Variants in ETV1 observed in about 807,000 individuals in gnomAD.
The protein encoded by ETV1 is ETS variant transcription factor 1, also known as ETS translocation variant 1.
Under a neutral mutation model 62.3 loss-of-function variants are expected in ETV1, and 27 were observed. The ratio of observed to expected loss-of-function variants is 0.43; its 90% CI spans 0.32 to 0.60. The LOEUF (loss-of-function observed/expected upper bound fraction) is 0.60. Ranked by LOEUF, ETV1 falls within the 20% of genes least tolerant of loss-of-function variation. The probability of loss-of-function intolerance (pLI) is 0.06; values close to 1 mark genes in which losing one functional copy is unlikely to be tolerated. For missense variants in ETV1, 605 were observed against 605.8 expected, an observed-to-expected ratio of 1.00 and a Z score of 0.01; for synonymous variants, 222 against 199.6, an observed-to-expected ratio of 1.11 and a Z score of -0.94.
intron 9 of ETV1, among the ~76,000 whole-genome samples, chr7:13,919,650 A>C (rs1157031050): frequency 6.6e-6 from 1 of 151,754 alleles, no homozygotes; most frequent in Non-Finnish European, 1.5e-5. Flanking sequence ...ATTCCTTGAA[A>C]ATTTTTTCAA....
intron 13 of ETV1, among the ~76,000 whole-genome samples, chr7:13,898,459 G>A (rs1326622048): frequency 2.0e-5 from 3 of 152,006 alleles, no homozygotes; most frequent in Non-Finnish European, 4.4e-5. Context: ...TTAACATATT[G>A]GTATATATTG....
At chr7:13,989,528 C>A in intron 1 of ETV1, 35 bp downstream of exon 1, 1 of 399,190 alleles carries the variant, frequency 2.5e-6, no homozygotes. Context: ...ATGCAATTAT[C>A]TGGAGAGACA....
chr7:13,979,051 A>C lies in ETV1; in HGVS notation c.182-1571T>G, dbSNP rs530758781. ...TTGCAAGGAGAATTTTTTTCTCTTC[A>C]TATTGCTCCAATATCTGATACTGTG... is the stretch of plus-strand genomic sequence containing the variant. On this transcript the variant is annotated intron_variant, in intron 5 of 13. Coordinates refer to ENST00000430479, the MANE Select transcript of ETV1 (RefSeq NM_004956.5). 9.2e-5 allele frequency among the ~76,000 whole-genome samples: 14 copies of C among 152,186 alleles called. No individual in the cohort carries two copies. In the East Asian group the frequency reaches 2.5e-3, roughly 27 times the overall value.
At chr7:13,915,051 T>C (rs1316535838) in intron 9 of ETV1, among the ~76,000 whole-genome samples, 2 of 152,238 alleles carry the variant, frequency 1.3e-5, no homozygotes, top group Non-Finnish European at 2.9e-5. Flanking sequence ...AACGACTGTA[T>C]AACTTAATTA....
intron 5 of ETV1, among the ~76,000 whole-genome samples, chr7:13,979,438 C>T (rs1781768194): frequency 6.6e-6 from 1 of 151,746 alleles, no homozygotes; most frequent in Non-Finnish European, 1.5e-5. Flanking sequence ...GCTATTAACA[C>T]AACATATTTT....
At chr7:13,989,182 T>G in intron 2 of ETV1, 43 bp from the exon 3 acceptor site, 1 of 717,844 alleles carries the variant, frequency 1.4e-6, no homozygotes, top group Non-Finnish European at 2.3e-6. Flanking sequence ...AAAAAAATCA[T>G]GAATGAAGCT....
At chr7:13,917,334 T>C (rs940926427) in intron 9 of ETV1, among the ~76,000 whole-genome samples, 2 of 128,814 alleles carry the variant, frequency 1.6e-5, no homozygotes, top group African/African-American at 5.6e-5. Flanking sequence ...TTATTTATTT[T>C]GAGACGGAGT....
chr7:13,929,049 G>A (rs2128446621), intron 9 of ETV1, among the ~76,000 whole-genome samples: 1 of 152,262 alleles, frequency 6.6e-6, no homozygotes, highest in African/African-American at 2.4e-5. Context: ...TAATTTATAT[G>A]ATTTCCACAT....
intron 6 of ETV1, among the ~76,000 whole-genome samples, chr7:13,942,401 G>C (rs189925025): frequency 1.8e-4 from 27 of 152,004 alleles, no homozygotes; most frequent in Non-Finnish European, 1.8e-4. Context: ...TCCAAGTTTT[G>C]TTTTGTTTTT....
intron 12 of ETV1, among the ~76,000 whole-genome samples, chr7:13,902,865 T>C (rs1449500347): frequency 6.6e-6 from 1 of 152,206 alleles, no homozygotes; most frequent in East Asian, 1.9e-4. Context: ...TCATGCCAGT[T>C]CATTCTCAGC....
chr7:13,961,351 G>T (rs1055459914), intron 6 of ETV1, among the ~76,000 whole-genome samples: 4 of 152,060 alleles, frequency 2.6e-5, no homozygotes, highest in Admixed American at 1.3e-4. Flanking sequence ...TTTTAAATGG[G>T]CTTCAAGAGG....
In ETV1 at chr7:13,931,551, G is replaced by C; in HGVS notation, c.753C>G (p.Pro251=). The change falls in exon 9 of 14, where the codon CCC becomes CCG. Residue 251 remains proline, a synonymous_variant. Transcript: ENST00000430479. Reference sequence around the variant, plus strand: ...GTTCCTGTTTAATCATCAGAGGAGGGGGAAAGCTTTGGCTGGCCGCACTGC... The same window carrying C: ...GTTCCTGTTTAATCATCAGAGGAGGCGGAAAGCTTTGGCTGGCCGCACTGC... ...MVGSAASQSF[P]PPLMIKQEPR... is the part of the protein sequence containing the mutation. 6.2e-7 allele frequency: 1 copy of C among 1,614,058 alleles called. No individual in the cohort carries two copies. The highest frequency in any genetic ancestry group is 8.5e-7 in the Non-Finnish European group (1 of 1,179,902).
chr7:13,948,677 T>C (rs180671827), intron 6 of ETV1, among the ~76,000 whole-genome samples: 1 of 152,268 alleles, frequency 6.6e-6, no homozygotes, highest in East Asian at 1.9e-4. Context: ...ACAGAAACCA[T>C]ATGGCCCACA....
chr7:13,900,002 AC>A, intron 13 of ETV1, among the ~76,000 whole-genome samples: 1 of 152,152 alleles, frequency 6.6e-6, no homozygotes, highest in Non-Finnish European at 1.5e-5. Flanking sequence ...GGTGGTGCGC[AC>A]CTGTAGTCCC....
chr7:13,944,345 G>T (rs1370956261), intron 6 of ETV1, among the ~76,000 whole-genome samples: 1 of 152,162 alleles, frequency 6.6e-6, no homozygotes, highest in Non-Finnish European at 1.5e-5. Context: ...TTTGGTAAAA[G>T]CTCACTTCCT....
chr7:13,953,111 C>T (rs12155208), intron 6 of ETV1, among the ~76,000 whole-genome samples: 4,953 of 152,214 alleles, frequency 0.033, 113 homozygotes, highest in South Asian at 0.066. Context: ...GAAAGCAGCA[C>T]GACACTATTT....
At chr7:13,930,994 G>A (rs1786071537) in intron 9 of ETV1, among the ~76,000 whole-genome samples, 1 of 151,664 alleles carries the variant, frequency 6.6e-6, no homozygotes. Flanking sequence ...TAGAGATGGG[G>A]TTTCACCGTG....
chr7:13,906,529 G>A lies in ETV1; in HGVS notation c.1011C>T (p.Leu337=), dbSNP rs1383607683. Residue 337 remains leucine, a synonymous_variant, in exon 12 of 14, where the codon CTC becomes CTT. Transcript: ENST00000430479. ...CCAGAAGAGCTACCAAAAACTGCCA[G>A]AGCTGAAGTGATCCTCGCCGTTGGT... ...PTYQRRGSLQ[L]WQFLVALLDD... 3 of 1,612,258 alleles carry A rather than the reference G, an allele frequency of 1.9e-6. No homozygotes were observed. In the African/African-American group the frequency reaches 4.0e-5, roughly 22 times the overall value.
chr7:13,907,946 C>A, intron 11 of ETV1: 1 of 390,028 alleles, frequency 2.6e-6, no homozygotes, highest in South Asian at 2.0e-5. Context: ...AGTGTATCTT[C>A]ATATCGATTT....
Sources: allele counts gnomAD v4.1 joint callset (sites outside exome capture counted in the v4.1 genomes callset), GRCh38; gene constraint gnomAD v4.1.1; transcripts MANE v1.5; gene names NCBI Gene and HGNC (gene_info 2026-07-23, HGNC 2026-07-21).